The following ZNF587B variants were observed in gnomAD, a reference collection of about 807,000 sequenced individuals.
The protein encoded by ZNF587B is zinc finger protein 587B.
ZNF587B carries 6 observed loss-of-function variants against 7.2 expected under a neutral mutation model. The observed-to-expected ratio is 0.83, with a 90% CI of 0.46 to 1.65. The LOEUF is 1.65. ZNF587B is among the 40% of genes most tolerant of loss of function. The pLI is 0.01. For synonymous variants in ZNF587B, 274 were observed against 254.3 expected (o/e 1.08, Z -0.74); for missense variants, 749 against 761.0 (o/e 0.98, Z 0.19).
chr19:57,842,691 A>G lies in ZNF587B; in HGVS notation c.*115A>G. ...CCCAAAAGAAGTCTGCTCTCCTTGG[A>G]CATTGGAGAGTTCACACCAGAGAAA... is the stretch of plus-strand genomic sequence containing the variant. On this transcript the variant is annotated 3_prime_UTR_variant, in exon 3 of 3. Transcript: ENST00000594901. The G allele has an allele frequency of 1.5e-6, 2 of 1,336,526 alleles. No individual in the cohort carries two copies. The highest frequency in any genetic ancestry group is 1.9e-6 in the Non-Finnish European group (2 of 1,049,648). The allele number at this position is 1,336,526 out of a possible 1,614,324, so 82.8% of individuals were successfully genotyped here.
At chr19:57,839,732 A>G (rs1358494846) in intron 2 of ZNF587B, among the ~76,000 whole-genome samples, 1 of 151,918 alleles carries the variant, frequency 6.6e-6, no homozygotes, top group African/African-American at 2.4e-5. Flanking sequence ...GATCCAGAAG[A>G]TGCAAATGAA....
rs1988334420 is a variant in ZNF587B at position 57,830,539 on chromosome 19, T to A, written c.11T>A (p.Val4Glu). The change falls in exon 1 of 3, where the codon GTG (valine) becomes GAG (glutamate). Residue 4 changes from valine to glutamate, a missense_variant. By Grantham distance (121) the Val-to-Glu change is moderately radical. This residue lies in a region of ZNF587B where 21 missense variants were observed against 16.7 expected (regional missense o/e 1.25). Transcript: ENST00000594901. Reference sequence around the variant, plus strand: ...AAACCACGTGGTTCGATGGCGGTGGTGGCCACGCTGAGGCTCTCTGCTCAG... The same window carrying A: ...AAACCACGTGGTTCGATGGCGGTGGAGGCCACGCTGAGGCTCTCTGCTCAG... Reference protein sequence around the residue: MAVVATLRLSAQGT... With the variant: MAVEATLRLSAQGT... 1 of 1,549,622 alleles carries A rather than the reference T, an allele frequency of 6.5e-7. No homozygotes were observed. Among genetic ancestry groups the A allele is most frequent in the African/African-American group, 1.4e-5 (1 of 73,042 alleles).
rs1369013872 is a variant in ZNF587B at position 57,842,491 on chromosome 19, A to G, written c.1817A>G (p.Tyr606Cys). The G allele has an allele frequency of 1.9e-6, 3 of 1,584,658 alleles. No individual in the cohort carries two copies. Among genetic ancestry groups the G allele is most frequent in the Non-Finnish European group, 1.7e-6 (2 of 1,170,392 alleles). Reference protein sequence around the residue: ...HRRVHTGEKPYGCSECEKKFR... With the variant: ...HRRVHTGEKPCGCSECEKKFR... ...AGAGTTCACACTGGAGAAAAGCCTT[A>G]TGGGTGTAGTGAATGTGAAAAAAAA... is the stretch of plus-strand genomic sequence containing the variant. The change falls in exon 3 of 3, where the codon TAT (tyrosine) becomes TGT (cysteine). Residue 606 changes from tyrosine (Y) to cysteine (C), a missense_variant. Coordinates refer to ENST00000594901, the MANE Select transcript of ZNF587B (RefSeq NM_001376223.1).
chr19:57,831,807 C>T (rs866111473), intron 1 of ZNF587B, among the ~76,000 whole-genome samples: 2 of 151,706 alleles, frequency 1.3e-5, no homozygotes, highest in Non-Finnish European at 2.9e-5. Context: ...CGGGTTCAAG[C>T]GATTCTCCTG....
chr19:57,832,086 T>A (rs952556966), intron 1 of ZNF587B, among the ~76,000 whole-genome samples: 15 of 151,468 alleles, frequency 9.9e-5, no homozygotes, highest in African/African-American at 3.7e-4. Flanking sequence ...AAATTGTCTT[T>A]TTCTTTTTGT....
intron 2 of ZNF587B, among the ~76,000 whole-genome samples, chr19:57,839,398 G>A (rs1438859662): frequency 6.6e-6 from 1 of 152,126 alleles, no homozygotes; most frequent in East Asian, 1.9e-4. Flanking sequence ...TGTTAGTCCT[G>A]TGGATGTTTG....
Position 57,841,070 on chromosome 19 carries a change from T to C in ZNF587B, c.396T>C (p.Ser132=). ...CEAWGNKLYD[S]GNFHQHQNEH... is the part of the protein sequence containing the mutation. ...CCTGGGGGAATAAATTGTATGACAGTGGAAACTTTCATCAGCACCAGAATG... is the reference window on the plus strand; with the variant it reads ...CCTGGGGGAATAAATTGTATGACAGCGGAAACTTTCATCAGCACCAGAATG... Residue 132 remains serine, a synonymous_variant, in exon 3 of 3, where the codon AGT becomes AGC. Transcript: ENST00000594901. 1 of 1,613,576 alleles carries C rather than the reference T, an allele frequency of 6.2e-7. No individual in the cohort carries two copies. The highest frequency in any genetic ancestry group is 1.1e-5 in the South Asian group (1 of 91,046).
chr19:57,838,900 T>C (rs1183777801), intron 1 of ZNF587B, 123 bp from the exon 2 acceptor site: 2 of 1,373,066 alleles, frequency 1.5e-6, no homozygotes. Flanking sequence ...CCAGTGGGCC[T>C]AGTTTCTCCT....
In ZNF587B at chr19:57,835,344, G is replaced by A. The variant is rs1051021752; in HGVS notation, c.37-3679G>A. On this transcript the variant is annotated intron_variant, in intron 1 of 2. Transcript: ENST00000594901. ...CAAGAGGGTTTCAGGTATGACGCTG[G>A]GGGTTTTTTGTTTTTGCTTTTTTTT... is the stretch of plus-strand genomic sequence containing the variant. Among the ~76,000 whole-genome samples the A allele has an allele frequency of 1.0e-4, 13 of 127,802 alleles. 1 individual carries two copies. Among genetic ancestry groups the A allele is most frequent in the Non-Finnish European group, 2.0e-4 (12 of 59,786 alleles). The allele number at this position is 127,802 out of a possible 152,430, so 83.8% of individuals were successfully genotyped here.
rs1988948238 is a variant in ZNF587B, at chr19:57,843,587, GTT to G, written c.*1012_*1013del. 1.1e-5 allele frequency: 8 copies of G among 759,896 alleles called. No individual in the cohort carries two copies. Among genetic ancestry groups the G allele is most frequent in the Non-Finnish European group, 1.2e-5 (8 of 658,902 alleles). 47.1% of individuals were successfully genotyped at this position (759,896 alleles called of 1,614,324 possible). ...GTTTGGTTGGTTGGTTGGTTGGTTG[GTT>G]GTTTTTTTTTGTTTTTTTTTTTTTT... On this transcript the variant is annotated 3_prime_UTR_variant, in exon 3 of 3. Coordinates refer to ENST00000594901, the MANE Select transcript of ZNF587B (RefSeq NM_001376223.1).
chr19:57,832,307 A>C (rs561869877), intron 1 of ZNF587B, among the ~76,000 whole-genome samples: 33 of 152,162 alleles, frequency 2.2e-4, no homozygotes, highest in Non-Finnish European at 4.6e-4. Context: ...GAATGGTCTC[A>C]ATCTCTTGAC....
At position 57,843,425 on chromosome 19, in the gene ZNF587B, C is replaced by A; in HGVS notation, c.*849C>A. 1 of 985,360 alleles carries A rather than the reference C, an allele frequency of 1.0e-6. No homozygotes were observed. Among genetic ancestry groups the A allele is most frequent in the South Asian group, 4.7e-5 (1 of 21,286 alleles). The allele number at this position is 985,360 out of a possible 1,614,324, so 61.0% of individuals were successfully genotyped here. A position where few individuals can be genotyped will look rare whatever the true frequency, so the allele number is the denominator to read the frequency against. ...CTGTTATCTTGCTAGACTTATGTGACTGCCACTTATCTGGCAAAAGCCATT... is the reference window on the plus strand; with the variant it reads ...CTGTTATCTTGCTAGACTTATGTGAATGCCACTTATCTGGCAAAAGCCATT... On this transcript the variant is annotated 3_prime_UTR_variant, in exon 3 of 3. Coordinates refer to ENST00000594901, the MANE Select transcript of ZNF587B (RefSeq NM_001376223.1).
intron 1 of ZNF587B, among the ~76,000 whole-genome samples, chr19:57,838,467 G>C (rs188472219): frequency 1.1e-3 from 168 of 152,126 alleles, no homozygotes; most frequent in African/African-American, 3.7e-3. Flanking sequence ...CAGATGTGGT[G>C]GCGGGTGCCT....
intron 1 of ZNF587B, among the ~76,000 whole-genome samples, chr19:57,831,317 C>T (rs1195485589): frequency 6.6e-6 from 1 of 152,216 alleles, no homozygotes; most frequent in Non-Finnish European, 1.5e-5. Flanking sequence ...TTGGGCATTA[C>T]ATCACAGAAT....
chr19:57,842,033 C>T lies in ZNF587B; in HGVS notation c.1359C>T (p.Leu453=), dbSNP rs1296325763. ...CGKCFSHKGN[L]ILHQHGHTRK... is the part of the protein sequence containing the mutation. ...AATGTTTTAGTCACAAGGGTAACCT[C>T]ATTCTACACCAGCATGGCCATACTA... The change falls in exon 3 of 3, where the codon CTC becomes CTT. Residue 453 remains leucine (L), a synonymous_variant. Coordinates refer to ENST00000594901, the MANE Select transcript of ZNF587B (RefSeq NM_001376223.1). 5 of 1,592,606 alleles carry T rather than the reference C, an allele frequency of 3.1e-6. No individual in the cohort carries two copies. In the South Asian group the frequency reaches 4.5e-5, roughly 14 times the overall value.
Position 57,842,747 on chromosome 19 carries a change from T to G in ZNF587B, c.*171T>G, listed in dbSNP as rs966320499. The G allele has an allele frequency of 3.0e-6, 3 of 985,296 alleles. No homozygotes were observed. In the African/African-American group the frequency reaches 5.2e-5, roughly 17 times the overall value. The allele number at this position is 985,296 out of a possible 1,614,324, so 61.0% of individuals were successfully genotyped here. A position where few individuals can be genotyped will look rare whatever the true frequency, so the allele number is the denominator to read the frequency against. ...TTACAAGTAAAATAAATTTGGCAGT[T>G]TTGTAGCCACACCTCTGTATTCCTT... On this transcript the variant is annotated 3_prime_UTR_variant, in exon 3 of 3. Transcript: ENST00000594901.
rs750697200 is a variant in ZNF587B at position 57,842,177 on chromosome 19, A to G, written c.1503A>G (p.Lys501=). ...EKPYACEACQ[K]FFRHKCHLTA... ...CATATGCTTGTGAGGCTTGTCAGAA[A>G]TTTTTTAGGCACAAGTGCCACCTCA... The change falls in exon 3 of 3, where the codon AAA becomes AAG. Residue 501 remains lysine (K), a synonymous_variant. Coordinates refer to ENST00000594901, the MANE Select transcript of ZNF587B (RefSeq NM_001376223.1). 7 of 1,613,198 alleles carry G rather than the reference A, an allele frequency of 4.3e-6. No individual in the cohort carries two copies. Among genetic ancestry groups the G allele is most frequent in the South Asian group, 1.1e-5 (1 of 90,924 alleles).
chr19:57,840,766 A>T, intron 2 of ZNF587B, 72 bp from the exon 3 acceptor site: 1 of 1,606,098 alleles, frequency 6.2e-7, no homozygotes, highest in Non-Finnish European at 8.5e-7. Flanking sequence ...AGTTTTTCAC[A>T]TACACTTGTG....
chr19:57,840,075 C>CAAAAAAAA lies in ZNF587B; in HGVS notation c.164-733_164-726dup, dbSNP rs774635301. 2.6e-4 allele frequency among the ~76,000 whole-genome samples: 21 copies of CAAAAAAAA among 81,110 alleles called. 3 individuals are homozygous for CAAAAAAAA. The highest frequency in any genetic ancestry group is 3.3e-4 in the Non-Finnish European group (13 of 39,962). The allele number at this position is 81,110 out of a possible 152,430, so 53.2% of individuals were successfully genotyped here. On this transcript the variant is annotated intron_variant, in intron 2 of 2. Transcript: ENST00000594901. Reference sequence around the variant, plus strand: ...GGGCAACAGAGCGAGACTCTGTCTCCAAAAAAAAAAAAAAAAAAAAAAAAA... The same window carrying CAAAAAAAA: ...GGGCAACAGAGCGAGACTCTGTCTCCAAAAAAAAAAAAAAAAAAAAAAAAAAAAAAAAA...
Sources: gnomAD v4.1 joint callset for allele counts (sites outside exome capture counted in the v4.1 genomes callset) on GRCh38, gnomAD v4.1.1 for gene constraint, gnomAD v4.1.1 regional missense constraint, MANE v1.5 for transcripts, NCBI Gene and HGNC (gene_info 2026-07-23, HGNC 2026-07-21) for gene names.